Variants in SNX29 observed in about 807,000 individuals in gnomAD.
The protein encoded by SNX29 is sorting nexin-29.
SNX29 carries 78 observed loss-of-function variants against 102.1 expected under a neutral mutation model. The ratio of observed to expected loss-of-function variants is 0.76; its 90% CI spans 0.64 to 0.92. SNX29 has a LOEUF of 0.92. Ranked by LOEUF, SNX29 falls within the 40% of genes least tolerant of loss-of-function variation. SNX29 has a pLI of 0.00. For synonymous variants in SNX29, 580 were observed against 414.5 expected (o/e 1.40, Z -4.85); for missense variants, 1,280 against 1,061.7 (o/e 1.21, Z -2.86).
At chr16:12,405,118 A>C (rs941676709) in intron 18 of SNX29, among the ~76,000 whole-genome samples, 2 of 152,188 alleles carry the variant, frequency 1.3e-5, no homozygotes, top group Non-Finnish European at 2.9e-5. Flanking sequence ...TGACCCTTCA[A>C]GTTCTGCATT....
At chr16:12,176,930 T>C (rs1400725789) in intron 13 of SNX29, among the ~76,000 whole-genome samples, 1 of 151,452 alleles carries the variant, frequency 6.6e-6, no homozygotes, top group African/African-American at 2.4e-5. Flanking sequence ...GGTCGGGCTG[T>C]TCAGGGTTTT....
At chr16:12,357,254 A>G (rs2082161379) in intron 16 of SNX29, among the ~76,000 whole-genome samples, 1 of 152,178 alleles carries the variant, frequency 6.6e-6, no homozygotes, top group African/African-American at 2.4e-5. Context: ...CAGGTTATCT[A>G]CATCTGCTTC....
At chr16:12,034,871 C>T (rs2151148001) in intron 4 of SNX29, among the ~76,000 whole-genome samples, 1 of 152,194 alleles carries the variant, frequency 6.6e-6, no homozygotes, top group African/African-American at 2.4e-5. Context: ...ATTAGCTGGG[C>T]ATGGTGGTAG....
chr16:12,479,167 C>G (rs1597536204), intron 19 of SNX29, among the ~76,000 whole-genome samples: 1 of 152,202 alleles, frequency 6.6e-6, no homozygotes. Flanking sequence ...ACCCAGCAGT[C>G]TGGGTTTAAC....
At chr16:12,562,467 G>A (rs1262376050) in intron 20 of SNX29, among the ~76,000 whole-genome samples, 3 of 152,172 alleles carry the variant, frequency 2.0e-5, no homozygotes, top group South Asian at 4.1e-4. Context: ...CCCTTCATAG[G>A]CTAGGAACTC....
At chr16:12,000,218 T>G (rs2056237813) in intron 2 of SNX29, 1 of 153,224 alleles carries the variant, frequency 6.5e-6, no homozygotes, top group East Asian at 1.9e-4. Context: ...AGATGCATGC[T>G]GCTGTTAGCT....
Position 12,297,653 on chromosome 16 carries a change from G to A in SNX29, c.1782+19617G>A, listed in dbSNP as rs150845386. ...TGGATGTGTTAATTTAATTGCATTCGTCATAACACAGTGTACACATACTTC... is the reference window on the plus strand; with the variant it reads ...TGGATGTGTTAATTTAATTGCATTCATCATAACACAGTGTACACATACTTC... On this transcript the variant is annotated intron_variant, in intron 15 of 20. Transcript: ENST00000566228. Among the ~76,000 whole-genome samples, 14 of 152,152 alleles carry A rather than the reference G, an allele frequency of 9.2e-5. No homozygotes were observed. The South Asian group carries it at 1.3e-3, about 14-fold the overall frequency.
At chr16:12,114,489 G>A in intron 11 of SNX29, among the ~76,000 whole-genome samples, 1 of 152,164 alleles carries the variant, frequency 6.6e-6, no homozygotes, top group East Asian at 1.9e-4. Flanking sequence ...GATCCCATTC[G>A]GGAGACAGTG....
chr16:12,566,632 C>T (rs1015058230), intron 20 of SNX29, among the ~76,000 whole-genome samples: 2 of 152,224 alleles, frequency 1.3e-5, no homozygotes, highest in African/African-American at 4.8e-5. Context: ...AAGCAAAGAC[C>T]TCCTTCCAGC....
At chr16:12,214,366 G>A (rs1045015395) in intron 14 of SNX29, among the ~76,000 whole-genome samples, 1 of 152,170 alleles carries the variant, frequency 6.6e-6, no homozygotes, top group African/African-American at 2.4e-5. Flanking sequence ...GTGTTTATTG[G>A]TGTAGTTTGT....
At position 12,199,585 on chromosome 16, in the gene SNX29, A is replaced by G. The variant is rs2076863385; in HGVS notation, c.1596-16A>G. ...CTTTTTAAATATATATTTTTTTAAC[A>G]TTCTTGTACCTGCAGAGAGAACGAG... On this transcript the variant is annotated splice_polypyrimidine_tract_variant and intron_variant, in intron 13 of 20. Coordinates refer to ENST00000566228, the MANE Select transcript of SNX29 (RefSeq NM_032167.5). 1.9e-6 allele frequency: 3 copies of G among 1,602,846 alleles called. No individual in the cohort carries two copies. The highest frequency in any genetic ancestry group is 2.3e-5 in the East Asian group (1 of 44,262).
At chr16:12,470,793 T>C (rs1020670523) in intron 18 of SNX29, among the ~76,000 whole-genome samples, 3 of 152,212 alleles carry the variant, frequency 2.0e-5, no homozygotes, top group Non-Finnish European at 4.4e-5. Flanking sequence ...AATTCTGTAA[T>C]AGGGAAGTTC....
chr16:12,185,280 A>G (rs1186983219), intron 13 of SNX29, among the ~76,000 whole-genome samples: 1 of 152,170 alleles, frequency 6.6e-6, no homozygotes, highest in African/African-American at 2.4e-5. Context: ...ACTGGAGGGT[A>G]CTTGGCTGGT....
At chr16:12,550,880 C>T (rs373160369) in intron 20 of SNX29, among the ~76,000 whole-genome samples, 1 of 152,280 alleles carries the variant, frequency 6.6e-6, no homozygotes, top group South Asian at 2.1e-4. Flanking sequence ...GGGAGGAAAC[C>T]TGTGACGGGA....
intron 16 of SNX29, among the ~76,000 whole-genome samples, chr16:12,366,316 T>C (rs1008637563): frequency 6.6e-6 from 1 of 152,338 alleles, no homozygotes; most frequent in Non-Finnish European, 1.5e-5. Flanking sequence ...GCAGTCATTA[T>C]GTTCCAGAAT....
At position 12,568,661 on chromosome 16, in the gene SNX29, C is replaced by A. The variant is rs377123054; in HGVS notation, c.*32C>A. Reference sequence around the variant, plus strand: ...CAAAACCGCAGCCACGGGCCCTGTGCGTGGCACCAGCTGCGTCCACCCCAG... The same window carrying A: ...CAAAACCGCAGCCACGGGCCCTGTGAGTGGCACCAGCTGCGTCCACCCCAG... On this transcript the variant is annotated 3_prime_UTR_variant, in exon 21 of 21. Transcript: ENST00000566228. The A allele has an allele frequency of 6.3e-7, 1 of 1,596,332 alleles. No individual in the cohort carries two copies. The highest frequency in any genetic ancestry group is 2.2e-5 in the East Asian group (1 of 44,734).
At chr16:12,204,537 C>T (rs995743231) in intron 14 of SNX29, among the ~76,000 whole-genome samples, 3 of 152,190 alleles carry the variant, frequency 2.0e-5, no homozygotes, top group African/African-American at 4.8e-5. Context: ...GCCACGAGCT[C>T]TCCTCGGCAT....
chr16:12,541,472 C>G (rs896783343), intron 20 of SNX29, among the ~76,000 whole-genome samples: 2 of 152,150 alleles, frequency 1.3e-5, no homozygotes, highest in Non-Finnish European at 2.9e-5. Flanking sequence ...TTGATGGAGC[C>G]AGGATCTCAG....
intron 20 of SNX29, among the ~76,000 whole-genome samples, chr16:12,529,357 C>G (rs74009117): frequency 6.6e-5 from 10 of 152,222 alleles, no homozygotes; most frequent in African/African-American, 2.2e-4. Context: ...TACTAAGAGA[C>G]GTGACACTTT....
Sources: gnomAD v4.1 joint callset for allele counts (sites outside exome capture counted in the v4.1 genomes callset) on GRCh38, gnomAD v4.1.1 for gene constraint, MANE v1.5 for transcripts, NCBI Gene and HGNC (gene_info 2026-07-23, HGNC 2026-07-21) for gene names.